Variants in STK3 observed in about 807,000 individuals in gnomAD.
STK3 encodes the protein serine/threonine-protein kinase 3.
A neutral mutation model predicts 58.0 loss-of-function variants in STK3; 41 were observed. The ratio of observed to expected loss-of-function variants is 0.71; its 90% confidence interval spans 0.55 to 0.92. The LOEUF (loss-of-function observed/expected upper bound fraction) is 0.92. STK3 is among the 40% of genes least tolerant of loss of function. The pLI, the probability that STK3 is intolerant of heterozygous loss-of-function variation, is 0.00. For missense variants in STK3, 479 were observed against 602.7 expected, an observed-to-expected ratio of 0.79 and a Z score of 2.15; for synonymous variants, 170 against 191.0, an observed-to-expected ratio of 0.89 and a Z score of 0.91.
chr8:98,853,446 T>A (rs1346180391), intron 3 of STK3, among the ~76,000 whole-genome samples: 1 of 152,192 alleles, frequency 6.6e-6, no homozygotes, highest in Non-Finnish European at 1.5e-5. Context: ...GTCTGTGTTT[T>A]CTTCTATTGC....
chr8:98,705,801 T>C (rs961479816), intron 6 of STK3, among the ~76,000 whole-genome samples: 11 of 152,140 alleles, frequency 7.2e-5, no homozygotes, highest in Non-Finnish European at 1.0e-4. Flanking sequence ...ATTCACATAG[T>C]AATAAACCTA....
At chr8:98,930,763 A>G (rs1245558580) in intron 1 of STK3, among the ~76,000 whole-genome samples, 3 of 152,146 alleles carry the variant, frequency 2.0e-5, no homozygotes, top group African/African-American at 7.2e-5. Context: ...TTACAACCAA[A>G]CTGGTGTCAA....
chr8:98,782,388 C>T (rs1026818307), intron 1 of STK3: 13 of 224,680 alleles, frequency 5.8e-5, no homozygotes, highest in Non-Finnish European at 1.0e-4. Context: ...AAAGACTGAT[C>T]GCCACATGTA....
At chr8:98,351,636 A>G in the STK3 span, among the ~76,000 whole-genome samples, 6 of 152,260 alleles carry the variant, frequency 3.9e-5, no homozygotes, top group African/African-American at 1.4e-4. Context: ...CAGAGGGACT[A>G]TATACATGTA....
chr8:98,384,434 G>A (rs1453912701), intron 1 of STK3, among the ~76,000 whole-genome samples: 2 of 152,200 alleles, frequency 1.3e-5, no homozygotes, highest in South Asian at 2.1e-4. Context: ...TTGTTTCTGC[G>A]TTTTGTTCAA....
At chr8:98,760,299 G>A (rs774314468) in intron 3 of STK3, among the ~76,000 whole-genome samples, 14 of 152,052 alleles carry the variant, frequency 9.2e-5, no homozygotes, top group East Asian at 3.9e-4. Context: ...GCACACACCC[G>A]GACTAATTTT....
intron 3 of STK3, among the ~76,000 whole-genome samples, chr8:98,836,062 G>A (rs1199236264): frequency 1.3e-5 from 2 of 152,128 alleles, no homozygotes; most frequent in Non-Finnish European, 2.9e-5. Flanking sequence ...TTAGCCGGGC[G>A]CAGTGGTGGG....
chr8:98,504,796 G>A (rs1020103132), intron 10 of STK3, among the ~76,000 whole-genome samples: 5 of 152,148 alleles, frequency 3.3e-5, no homozygotes, highest in African/African-American at 4.8e-5. Context: ...TGGGTAACTC[G>A]ATCTTTCTCT....
chr8:98,902,441 T>G (rs983367753), intron 1 of STK3, among the ~76,000 whole-genome samples: 8 of 152,210 alleles, frequency 5.3e-5, no homozygotes, highest in African/African-American at 1.9e-4. Context: ...CATTCAGTGC[T>G]ACTCTCCTAG....
intron 10 of STK3, among the ~76,000 whole-genome samples, chr8:98,480,667 G>A (rs912582308): frequency 2.6e-5 from 4 of 152,058 alleles, no homozygotes; most frequent in African/African-American, 9.7e-5. Flanking sequence ...TAACAATCCT[G>A]ACCAGCATAT....
intron 6 of STK3, among the ~76,000 whole-genome samples, chr8:98,630,619 GGTGA>G (rs1819108750): frequency 6.6e-6 from 1 of 151,418 alleles, no homozygotes; most frequent in African/African-American, 2.4e-5. Flanking sequence ...CTCCAGCCTG[GGTGA>G]CAGAGAGGAA....
intron 1 of STK3, among the ~76,000 whole-genome samples, chr8:98,901,686 G>T (rs1333852318): frequency 1.3e-5 from 2 of 152,230 alleles, no homozygotes; most frequent in African/African-American, 4.8e-5. Context: ...TTCCACACTG[G>T]CTCCCTTGGG....
intron 4 of STK3, among the ~76,000 whole-genome samples, chr8:98,738,847 G>C (rs2131293934): frequency 6.6e-6 from 1 of 152,344 alleles, no homozygotes; most frequent in African/African-American, 2.4e-5. Flanking sequence ...TCAAAGAAAG[G>C]GGTGACAGAG....
At chr8:98,611,244 G>T (rs1008521883) in intron 6 of STK3, among the ~76,000 whole-genome samples, 1 of 151,830 alleles carries the variant, frequency 6.6e-6, no homozygotes, top group Non-Finnish European at 1.5e-5. Flanking sequence ...ATCTATAATA[G>T]AAGTCAATGT....
intron 3 of STK3, among the ~76,000 whole-genome samples, chr8:98,865,302 T>C (rs1021044577): frequency 1.3e-5 from 2 of 152,196 alleles, no homozygotes; most frequent in African/African-American, 4.8e-5. Flanking sequence ...AGCTTGTGTT[T>C]CTTCCCCTAT....
At chr8:98,356,381 C>T in the STK3 span, among the ~76,000 whole-genome samples, 1 of 152,130 alleles carries the variant, frequency 6.6e-6, no homozygotes, top group Admixed American at 6.6e-5. Flanking sequence ...GTGCTCACAC[C>T]AGACTCAGAG....
chr8:98,713,014 C>A (rs1587390513), intron 4 of STK3, among the ~76,000 whole-genome samples: 1 of 152,194 alleles, frequency 6.6e-6, no homozygotes, highest in South Asian at 2.1e-4. Context: ...GGAAACTGAA[C>A]AACCTGCTCC....
chr8:98,737,143 CT>C (rs370625976), intron 4 of STK3, among the ~76,000 whole-genome samples: 2 of 152,040 alleles, frequency 1.3e-5, no homozygotes, highest in African/African-American at 4.8e-5. Flanking sequence ...GTTTTTATAT[CT>C]TTTTTTAGAT....
At chr8:98,652,555 A>G (rs1821047912) in intron 6 of STK3, among the ~76,000 whole-genome samples, 1 of 147,244 alleles carries the variant, frequency 6.8e-6, no homozygotes, top group South Asian at 2.3e-4. Context: ...TAAAGAGTCA[A>G]GACCCATCAG....
Sources: gnomAD v4.1 joint callset for allele counts (sites outside exome capture counted in the v4.1 genomes callset) on GRCh38, gnomAD v4.1.1 for gene constraint, MANE v1.5 for transcripts, NCBI Gene and HGNC (gene_info 2026-07-23, HGNC 2026-07-21) for gene names.